NBAS: variants seen among roughly 807,000 people sequenced by gnomAD.
NBAS encodes NAG/BC035112 fusion.
NBAS carries 219 observed loss-of-function variants against 302.5 expected under a neutral mutation model. The observed-to-expected ratio is 0.72, with a 90% CI of 0.65 to 0.81. The LOEUF (loss-of-function observed/expected upper bound fraction) is 0.81, where lower values mean the gene tolerates loss of function less well. Among genes scored for constraint, NBAS ranks in the 30% least tolerant of loss-of-function variants. NBAS has a pLI of 0.00. For synonymous variants in NBAS, 1,118 were observed against 1,021.6 expected, an observed-to-expected ratio of 1.09 and a Z score of -1.80; for missense variants, 2,932 against 2,841.6, an observed-to-expected ratio of 1.03 and a Z score of -0.72.
the NBAS span, among the ~76,000 whole-genome samples, chr2:14,922,986 A>G: frequency 6.6e-6 from 1 of 152,112 alleles, no homozygotes; most frequent in Non-Finnish European, 1.5e-5. Context: ...CCCCGCCTCT[A>G]CTAAAAATAC....
chr2:14,969,489 G>A, the NBAS span, among the ~76,000 whole-genome samples: 1 of 152,056 alleles, frequency 6.6e-6, no homozygotes, highest in Non-Finnish European at 1.5e-5. Context: ...CGACCCTCCT[G>A]CCTCAGCCTC....
rs1319732111 is a variant in NBAS at position 15,473,351 on chromosome 2, C to T, written c.1600-4G>A. The T allele has an allele frequency of 2.5e-6, 4 of 1,613,420 alleles. No homozygotes were observed. The Admixed American group carries it at 6.7e-5, about 27-fold the overall frequency. The stretch of plus-strand genomic sequence containing the variant: ...CCTCATACTCTTCACTTTCAATCTT[C>T]AGATAAAAACACGAGGACAGGAATG... On this transcript the variant is annotated splice_region_variant and splice_polypyrimidine_tract_variant and intron_variant, in intron 15 of 51. Coordinates refer to ENST00000281513, the MANE Select transcript of NBAS (RefSeq NM_015909.4).
the NBAS span, among the ~76,000 whole-genome samples, chr2:15,140,599 G>T: frequency 4.7e-4 from 71 of 152,286 alleles, no homozygotes; most frequent in South Asian, 0.014. Context: ...AAATATAAAG[G>T]AATGCTATTC....
At chr2:14,906,709 T>C in the NBAS span, among the ~76,000 whole-genome samples, 1 of 152,184 alleles carries the variant, frequency 6.6e-6, no homozygotes, top group Non-Finnish European at 1.5e-5. Context: ...GGCCTGGCTC[T>C]CAGGGCTCAG....
chr2:15,281,396 T>C (rs1669819223), intron 42 of NBAS, among the ~76,000 whole-genome samples: 2 of 152,204 alleles, frequency 1.3e-5, no homozygotes, highest in African/African-American at 4.8e-5. Flanking sequence ...CTGATTTAAT[T>C]CTCACAAAGC....
At chr2:15,144,945 G>C in the NBAS span, among the ~76,000 whole-genome samples, 1 of 152,214 alleles carries the variant, frequency 6.6e-6, no homozygotes, top group African/African-American at 2.4e-5. Context: ...TTACTGCAAA[G>C]TGGCTGGCTT....
chr2:15,392,292 C>A (rs1362704742), intron 28 of NBAS, among the ~76,000 whole-genome samples: 1 of 150,744 alleles, frequency 6.6e-6, no homozygotes, highest in Non-Finnish European at 1.5e-5. Context: ...TTGCTAGAAA[C>A]TCACATTGTA....
chr2:15,075,039 T>G, the NBAS span, among the ~76,000 whole-genome samples: 1 of 152,216 alleles, frequency 6.6e-6, no homozygotes, highest in Middle Eastern at 3.2e-3. Flanking sequence ...ACTCTTCAAA[T>G]CGGCAATTCT....
the NBAS span, among the ~76,000 whole-genome samples, chr2:14,860,471 A>G: frequency 6.6e-6 from 1 of 152,224 alleles, no homozygotes; most frequent in African/African-American, 2.4e-5. Flanking sequence ...AGAATGTGAT[A>G]TATAAACACA....
At chr2:14,896,973 A>G in the NBAS span, among the ~76,000 whole-genome samples, 2 of 152,156 alleles carry the variant, frequency 1.3e-5, no homozygotes, top group South Asian at 4.2e-4. Flanking sequence ...GGCCCCTACT[A>G]GAGCTGCATG....
intron 40 of NBAS, among the ~76,000 whole-genome samples, chr2:15,297,584 G>A (rs923801005): frequency 2.6e-5 from 4 of 152,128 alleles, no homozygotes; most frequent in Non-Finnish European, 5.9e-5. Context: ...CTTCCCCATC[G>A]CCTTCTGCCA....
intron 45 of NBAS, 125 bp downstream of exon 45, chr2:15,238,343 G>T (rs201429728): frequency 1.6e-4 from 147 of 898,544 alleles, no homozygotes; most frequent in South Asian, 2.9e-4. Context: ...ATAAAGGCTT[G>T]CGGACAATTT....
At position 15,561,273 on chromosome 2, in the gene NBAS, C is replaced by T. The variant is rs767335889; in HGVS notation, c.32G>A (p.Ser11Asn). 4 of 1,613,848 alleles carry T rather than the reference C, an allele frequency of 2.5e-6. No individual in the cohort carries two copies. Among genetic ancestry groups the T allele is most frequent in the Admixed American group, 1.7e-5 (1 of 60,026 alleles). The change falls in exon 1 of 52, where the codon AGT becomes AAT. Residue 11 changes from serine (S) to asparagine (N), a missense_variant. Transcript: ENST00000281513. Reference sequence around the variant, plus strand: ...CTCCTCACCCTCTGCAGTGCCTGGACTCAAAGCCGGCCCTGACTCGGGGGC... The same window carrying T: ...CTCCTCACCCTCTGCAGTGCCTGGATTCAAAGCCGGCCCTGACTCGGGGGC... MAAPESGPAL[S>N]PGTAEGEEET...
intron 6 of NBAS, among the ~76,000 whole-genome samples, chr2:15,549,250 T>C (rs1219005367): frequency 6.6e-6 from 1 of 152,192 alleles, no homozygotes; most frequent in Middle Eastern, 3.2e-3. Context: ...AAGTCAGATG[T>C]GAAGGGTTAC....
chr2:14,998,313 A>G, the NBAS span, among the ~76,000 whole-genome samples: 1 of 152,220 alleles, frequency 6.6e-6, no homozygotes, highest in African/African-American at 2.4e-5. Flanking sequence ...CTAGTAAGTG[A>G]AAGTTGGGAC....
chr2:14,875,024 CAA>C, the NBAS span, among the ~76,000 whole-genome samples: 2 of 149,514 alleles, frequency 1.3e-5, no homozygotes, highest in Admixed American at 1.3e-4. Context: ...GTGTAATCTA[CAA>C]AAAAAAATCT....
the NBAS span, among the ~76,000 whole-genome samples, chr2:14,973,816 T>C: frequency 6.6e-6 from 1 of 152,240 alleles, no homozygotes; most frequent in Non-Finnish European, 1.5e-5. Flanking sequence ...CATTATTATA[T>C]GCATTTAGCA....
At chr2:15,542,168 A>G (rs78254475) in intron 6 of NBAS, among the ~76,000 whole-genome samples, 2,060 of 57,010 alleles carry the variant, frequency 0.036, 248 homozygotes, top group African/African-American at 0.049. Flanking sequence ...TGACAATGGC[A>G]GTTTTGTGGA....
At chr2:14,847,917 T>C in the NBAS span, among the ~76,000 whole-genome samples, 237 of 152,270 alleles carry the variant, frequency 1.6e-3, no homozygotes, top group African/African-American at 5.3e-3. Flanking sequence ...AAAATTGAAA[T>C]TATATCAAGC....
Sources: allele counts gnomAD v4.1 joint callset (sites outside exome capture counted in the v4.1 genomes callset), GRCh38; gene constraint gnomAD v4.1.1; transcripts MANE v1.5; gene names NCBI Gene and HGNC (gene_info 2026-07-23, HGNC 2026-07-21).